CMC1: variants seen among roughly 807,000 people sequenced by gnomAD.
The protein encoded by CMC1 is COX assembly mitochondrial protein homolog.
In CMC1, 14 loss-of-function variants were observed where a neutral mutation model predicts 14.1. That is an observed-to-expected ratio of 0.99 (90% CI 0.66 to 1.55). The LOEUF is 1.55. CMC1 is among the 40% of genes most tolerant of loss of function. The pLI, the probability that CMC1 is intolerant of heterozygous loss-of-function variation, is 0.00. For synonymous variants in CMC1, 50 were observed against 38.4 expected, an observed-to-expected ratio of 1.30 and a Z score of -1.12; for missense variants, 127 against 123.8, an observed-to-expected ratio of 1.03 and a Z score of -0.12.
At chr3:28,269,856 C>T (rs1375666023) in intron 2 of CMC1, among the ~76,000 whole-genome samples, 1 of 152,224 alleles carries the variant, frequency 6.6e-6, no homozygotes, top group Admixed American at 6.5e-5. Context: ...TGAGCCACTA[C>T]ACCTGGCCAA....
chr3:28,297,326 G>A (rs1303777493), intron 2 of CMC1, among the ~76,000 whole-genome samples: 2 of 151,998 alleles, frequency 1.3e-5, no homozygotes, highest in African/African-American at 4.8e-5. Context: ...TTTTAGGTAA[G>A]GGCCCATCTG....
In CMC1 at chr3:28,288,141, G is replaced by A. The variant is rs369263707; in HGVS notation, c.109+24761G>A. ...TATTGATATATGAATCTTCTTCAAC[G>A]TGTTTTTAAAAATACGTTAATACTG... On this transcript the variant is annotated intron_variant, in intron 2 of 3. Transcript: ENST00000466830. Among the ~76,000 whole-genome samples, 17 of 151,938 alleles carry A rather than the reference G, an allele frequency of 1.1e-4. 1 individual carries two copies. The highest frequency in any genetic ancestry group is 3.9e-4 in the East Asian group (2 of 5,180).
chr3:28,261,986 T>C (rs1340361969), intron 1 of CMC1, among the ~76,000 whole-genome samples: 1 of 152,206 alleles, frequency 6.6e-6, no homozygotes, highest in Non-Finnish European at 1.5e-5. Context: ...TACTTCTTTT[T>C]CTGTAGGGTT....
At chr3:28,305,334 A>G (rs1207401161) in intron 2 of CMC1, among the ~76,000 whole-genome samples, 2 of 152,132 alleles carry the variant, frequency 1.3e-5, no homozygotes, top group Admixed American at 6.5e-5. Context: ...CTGTTGATGG[A>G]CACTTAGGTT....
Position 28,319,499 on chromosome 3 carries a change from C to T in CMC1, c.201-10C>T. On this transcript the variant is annotated splice_polypyrimidine_tract_variant and intron_variant, in intron 3 of 3. Transcript: ENST00000466830. ...ATTTACTTGAAAATATTTTCATTTC[C>T]TTCTCATAGCTATAATGATCCAGCC... is the stretch of plus-strand genomic sequence containing the variant. 1 of 1,581,320 alleles carries T rather than the reference C, an allele frequency of 6.3e-7. No homozygotes were observed. The highest frequency in any genetic ancestry group is 8.6e-7 in the Non-Finnish European group (1 of 1,160,348).
intron 1 of CMC1, among the ~76,000 whole-genome samples, chr3:28,255,037 T>C (rs972002231): frequency 2.4e-4 from 37 of 152,192 alleles, no homozygotes; most frequent in African/African-American, 8.9e-4. Context: ...ATTTCTCTCT[T>C]ATCTGATCCT....
At chr3:28,256,780 C>T (rs1699434845) in intron 1 of CMC1, among the ~76,000 whole-genome samples, 1 of 152,160 alleles carries the variant, frequency 6.6e-6, no homozygotes, top group African/African-American at 2.4e-5. Flanking sequence ...AGACAGAGGT[C>T]TTGCTAGTTA....
chr3:28,319,666 C>G lies in CMC1; in HGVS notation c.*37C>G. The G allele has an allele frequency of 3.2e-6, 5 of 1,552,178 alleles. No individual in the cohort carries two copies. The highest frequency in any genetic ancestry group is 4.4e-6 in the Non-Finnish European group (5 of 1,149,302). ...AATGACATTCAGGAACTCTAATATT[C>G]ATGGAAGTCATTTTATAGTCCTTAA... On this transcript the variant is annotated 3_prime_UTR_variant, in exon 4 of 4. Coordinates refer to ENST00000466830, the MANE Select transcript of CMC1 (RefSeq NM_182523.2).
chr3:28,299,504 T>G (rs548973603), intron 2 of CMC1, among the ~76,000 whole-genome samples: 1 of 152,214 alleles, frequency 6.6e-6, no homozygotes, highest in South Asian at 2.1e-4. Flanking sequence ...TCTTTTCATG[T>G]TCATCCTTCT....
At chr3:28,305,193 A>G (rs1050043982) in intron 2 of CMC1, among the ~76,000 whole-genome samples, 5 of 151,984 alleles carry the variant, frequency 3.3e-5, no homozygotes, top group Non-Finnish European at 5.9e-5. Flanking sequence ...GTATTTGTCT[A>G]TTTCTCTGTT....
At chr3:28,306,931 C>G (rs560826622) in intron 2 of CMC1, among the ~76,000 whole-genome samples, 9 of 152,270 alleles carry the variant, frequency 5.9e-5, no homozygotes, top group African/African-American at 2.2e-4. Context: ...CAGGTGTGAG[C>G]CACCATGCCC....
At chr3:28,266,226 A>C (rs150714523) in intron 2 of CMC1, among the ~76,000 whole-genome samples, 118 of 152,306 alleles carry the variant, frequency 7.7e-4, no homozygotes, top group African/African-American at 2.7e-3. Context: ...ATTTGTCTTA[A>C]GCAATAGATA....
At chr3:28,263,167 A>C (rs1174914276) in intron 1 of CMC1, 124 bp from the exon 2 acceptor site, 1 of 659,040 alleles carries the variant, frequency 1.5e-6, no homozygotes, top group Non-Finnish European at 2.6e-6. Context: ...TCACAATTTC[A>C]TAAGGTTGTA....
Position 28,241,679 on chromosome 3 carries a change from T to G in CMC1, c.-115T>G. 2 of 1,235,628 alleles carry G rather than the reference T, an allele frequency of 1.6e-6. No homozygotes were observed. The highest frequency in any genetic ancestry group is 2.0e-6 in the Non-Finnish European group (2 of 987,866). 76.5% of individuals were successfully genotyped at this position (1,235,628 alleles called of 1,614,324 possible). A position where few individuals can be genotyped will look rare whatever the true frequency, so the allele number is the denominator to read the frequency against. On this transcript the variant is annotated 5_prime_UTR_variant, in exon 1 of 4. Coordinates refer to ENST00000466830, the MANE Select transcript of CMC1 (RefSeq NM_182523.2). Reference sequence around the variant, plus strand: ...GCTTTGCAAAGGGCCCGTGTTTCTGTTGCGGGAAGCTCCCGGGGGTCGCAC... The same window carrying G: ...GCTTTGCAAAGGGCCCGTGTTTCTGGTGCGGGAAGCTCCCGGGGGTCGCAC...
intron 2 of CMC1, among the ~76,000 whole-genome samples, chr3:28,280,091 G>T (rs1700805802): frequency 6.6e-6 from 1 of 152,172 alleles, no homozygotes; most frequent in Non-Finnish European, 1.5e-5. Context: ...CTACTGTTCT[G>T]TACGACAGTT....
intron 2 of CMC1, among the ~76,000 whole-genome samples, chr3:28,311,045 A>T (rs1479422461): frequency 6.6e-6 from 1 of 152,332 alleles, no homozygotes; most frequent in East Asian, 1.9e-4. Context: ...GAGTAGTACC[A>T]GTCTGCAGTC....
At chr3:28,305,874 G>A (rs1702282261) in intron 2 of CMC1, among the ~76,000 whole-genome samples, 1 of 140,998 alleles carries the variant, frequency 7.1e-6, no homozygotes. Flanking sequence ...ATGGTGAGAG[G>A]TAGAGATGGA....
intron 2 of CMC1, among the ~76,000 whole-genome samples, chr3:28,303,111 G>A (rs1702142223): frequency 6.6e-6 from 1 of 151,934 alleles, no homozygotes; most frequent in Non-Finnish European, 1.5e-5. Flanking sequence ...TCGTGTTTTT[G>A]TACAATTCAA....
chr3:28,292,719 T>G (rs1222106216), intron 2 of CMC1: 1 of 152,212 alleles, frequency 6.6e-6, no homozygotes, highest in Non-Finnish European at 1.5e-5. Flanking sequence ...CTTAATCTCT[T>G]TATTGCCTTT....
Sources: allele counts gnomAD v4.1 joint callset (sites outside exome capture counted in the v4.1 genomes callset), GRCh38; gene constraint gnomAD v4.1.1; transcripts MANE v1.5; gene names NCBI Gene and HGNC (gene_info 2026-07-23, HGNC 2026-07-21).